Variants in GNPTAB observed in about 807,000 individuals in gnomAD.
The protein encoded by GNPTAB is N-acetylglucosamine-1-phosphotransferase subunits alpha/beta.
A neutral mutation model predicts 136.6 loss-of-function variants in GNPTAB; 92 were observed. The observed-to-expected ratio is 0.67, with a 90% CI of 0.57 to 0.80. The LOEUF (loss-of-function observed/expected upper bound fraction) is 0.80, where lower values mean the gene tolerates loss of function less well. Ranked by LOEUF, GNPTAB falls within the 30% of genes least tolerant of loss-of-function variation. The pLI, the probability that GNPTAB is intolerant of heterozygous loss-of-function variation, is 0.00. For missense variants in GNPTAB, 1,343 were observed against 1,501.8 expected, an observed-to-expected ratio of 0.89 and a Z score of 1.75; for synonymous variants, 512 against 535.1, an observed-to-expected ratio of 0.96 and a Z score of 0.60.
At position 101,746,711 on chromosome 12, in the gene GNPTAB, A is replaced by G. The variant is rs1952740092; in HGVS notation, c.*453T>C. Reference sequence around the variant, plus strand: ...GTTATACTCAGAAGCAAGAATAACTAGTTAACTTAGTAACTACTTAAAAAT... The same window carrying G: ...GTTATACTCAGAAGCAAGAATAACTGGTTAACTTAGTAACTACTTAAAAAT... On this transcript the variant is annotated 3_prime_UTR_variant, in exon 21 of 21. Transcript: ENST00000299314. The G allele has an allele frequency of 6.1e-6, 1 of 163,490 alleles. No homozygotes were observed. Among genetic ancestry groups the G allele is most frequent in the Non-Finnish European group, 1.3e-5 (1 of 74,686 alleles). 10.1% of individuals were successfully genotyped at this position (163,490 alleles called of 1,614,324 possible). A position where few individuals can be genotyped will look rare whatever the true frequency, so the allele number is the denominator to read the frequency against.
At chr12:101,788,634 A>G (rs1868809126) in intron 3 of GNPTAB, 45 bp from the exon 4 acceptor site, 1 of 968,700 alleles carries the variant, frequency 1.0e-6, no homozygotes, top group Non-Finnish European at 1.7e-6. Flanking sequence ...ATGGGCTACT[A>G]TACCTCCCAC....
chr12:101,823,061 T>C (rs1048348825), intron 1 of GNPTAB, among the ~76,000 whole-genome samples: 4 of 152,228 alleles, frequency 2.6e-5, no homozygotes, highest in African/African-American at 9.6e-5. Context: ...AATGGCTCTA[T>C]AAGCATAACT....
chr12:101,758,937 G>A (rs1285236250), intron 16 of GNPTAB, among the ~76,000 whole-genome samples: 1 of 152,164 alleles, frequency 6.6e-6, no homozygotes, highest in Admixed American at 6.5e-5. Context: ...AAAACTACCT[G>A]TGATTTAACC....
intron 16 of GNPTAB, among the ~76,000 whole-genome samples, chr12:101,758,083 G>C (rs1952929362): frequency 6.7e-6 from 1 of 149,244 alleles, no homozygotes; most frequent in African/African-American, 2.5e-5. Flanking sequence ...CTATCGCCCA[G>C]GCTGGAGTGC....
At chr12:101,784,822 T>C (rs1200236087) in intron 5 of GNPTAB, among the ~76,000 whole-genome samples, 5 of 152,138 alleles carry the variant, frequency 3.3e-5, no homozygotes, top group Non-Finnish European at 5.9e-5. Flanking sequence ...GACTTGGTGT[T>C]GGAAAGGGAA....
At chr12:101,793,716 C>A (rs964471554) in intron 2 of GNPTAB, among the ~76,000 whole-genome samples, 2 of 152,226 alleles carry the variant, frequency 1.3e-5, no homozygotes, top group African/African-American at 4.8e-5. Flanking sequence ...ACATAACTTT[C>A]ATTTTAATCA....
chr12:101,784,170 G>A (rs1349214509), intron 5 of GNPTAB, among the ~76,000 whole-genome samples: 1 of 152,216 alleles, frequency 6.6e-6, no homozygotes, highest in African/African-American at 2.4e-5. Context: ...AAAGTCATGA[G>A]TTAGATTATA....
chr12:101,773,037 C>G (rs1953203257), intron 7 of GNPTAB: 1 of 168,236 alleles, frequency 5.9e-6, no homozygotes, highest in East Asian at 1.8e-4. Context: ...CCAGGCTGGT[C>G]TCCTGACATA....
intron 20 of GNPTAB, among the ~76,000 whole-genome samples, chr12:101,748,789 T>C (rs1047829281): frequency 1.1e-4 from 17 of 152,184 alleles, no homozygotes; most frequent in African/African-American, 3.9e-4. Flanking sequence ...TAACATTAGA[T>C]AAGGATTCTA....
chr12:101,759,038 T>A (rs142600628), intron 16 of GNPTAB, among the ~76,000 whole-genome samples: 1 of 152,180 alleles, frequency 6.6e-6, no homozygotes, highest in East Asian at 1.9e-4. Context: ...TATATGGTAG[T>A]ACCCATTATT....
chr12:101,771,344 A>C (rs1333747337), intron 7 of GNPTAB, among the ~76,000 whole-genome samples, 187 bp from the exon 8 acceptor site: 1 of 151,922 alleles, frequency 6.6e-6, no homozygotes, highest in African/African-American at 2.4e-5. Flanking sequence ...CCCGGGTTCA[A>C]GCGATTCTCC....
chr12:101,790,022 G>C lies in GNPTAB; in HGVS notation c.239C>G (p.Thr80Ser). The C allele has an allele frequency of 6.2e-7, 1 of 1,614,092 alleles. No homozygotes were observed. Among genetic ancestry groups the C allele is most frequent in the African/African-American group, 1.3e-5 (1 of 75,034 alleles). The change falls in exon 3 of 21, where the codon ACC becomes AGC. Residue 80 changes from threonine to serine, a missense_variant. Physicochemically the swap from Thr to Ser is moderately conservative, Grantham distance 58. Coordinates refer to ENST00000299314, the MANE Select transcript of GNPTAB (RefSeq NM_024312.5). ...TTCAAGATCTGTGCCATTCACCCAG[G>C]TGTAAACAACGTCAATCGGCATGGG... ...CLPMPIDVVY[T>S]WVNGTDLELL...
intron 7 of GNPTAB, among the ~76,000 whole-genome samples, chr12:101,778,043 A>G (rs1013674621): frequency 6.6e-6 from 1 of 152,212 alleles, no homozygotes; most frequent in Non-Finnish European, 1.5e-5. Context: ...CCACACCTGG[A>G]GCCTGCTGGT....
At position 101,764,925 on chromosome 12, in the gene GNPTAB, G is replaced by A. The variant is rs778140756; in HGVS notation, c.1992C>T (p.Ile664=). The change falls in exon 13 of 21, where the codon ATC becomes ATT. Residue 664 remains isoleucine, a synonymous_variant. Transcript: ENST00000299314. ...SPITLLPEAE[I]LFEDIPKEKR... ...TTTCTTTGGGAATATCCTCAAAAAG[G>A]ATTTCCGCCTCTGGAAGAAGTGTTA... is the stretch of plus-strand genomic sequence containing the variant. 1 of 1,613,892 alleles carries A rather than the reference G, an allele frequency of 6.2e-7. No homozygotes were observed. The highest frequency in any genetic ancestry group is 2.2e-5 in the East Asian group (1 of 44,886).
intron 7 of GNPTAB, chr12:101,778,687 A>G (rs1953293684): frequency 6.6e-6 from 1 of 152,230 alleles, no homozygotes; most frequent in South Asian, 2.1e-4. Context: ...TGAGGGGATC[A>G]CCTGAGGTCA....
rs1452587000 is a variant in GNPTAB at position 101,786,093 on chromosome 12, C to A, written c.490G>T (p.Ala164Ser). 2 of 1,613,868 alleles carry A rather than the reference C, an allele frequency of 1.2e-6. No homozygotes were observed. Among genetic ancestry groups the A allele is most frequent in the Admixed American group, 3.3e-5 (2 of 59,990 alleles). Residue 164 changes from alanine to serine, a missense_variant, in exon 5 of 21, where the codon GCC (alanine) becomes TCC (serine). Coordinates refer to ENST00000299314, the MANE Select transcript of GNPTAB (RefSeq NM_024312.5). ...TTTGCAACATTGAAAATGTCACTGG[C>A]AGAATGAAAAGAAGGATAAAGAGAT... ...LPSLYPSFHS[A>S]SDIFNVAKPK...
chr12:101,790,045 G>A lies in GNPTAB; in HGVS notation c.216C>T (p.Pro72=), dbSNP rs1465667194. 1.2e-5 allele frequency: 19 copies of A among 1,613,958 alleles called. No individual in the cohort carries two copies. The highest frequency in any genetic ancestry group is 1.7e-6 in the Non-Finnish European group (2 of 1,179,974). ...GKSFQNRLCL[P]MPIDVVYTWV... ...AGGTGTAAACAACGTCAATCGGCATGGGCAGACAAAGCCTAGGGCAAACCA... is the reference window on the plus strand; with the variant it reads ...AGGTGTAAACAACGTCAATCGGCATAGGCAGACAAAGCCTAGGGCAAACCA... The change falls in exon 3 of 21, where the codon CCC becomes CCT. Residue 72 remains proline, a synonymous_variant. Coordinates refer to ENST00000299314, the MANE Select transcript of GNPTAB (RefSeq NM_024312.5).
At chr12:101,759,527 A>G (rs548651364) in intron 16 of GNPTAB, among the ~76,000 whole-genome samples, 2 of 152,196 alleles carry the variant, frequency 1.3e-5, no homozygotes, top group East Asian at 3.9e-4. Context: ...TTTTCTTCAC[A>G]TTATAACCTC....
At chr12:101,756,448 G>C in intron 18 of GNPTAB, 1 of 398,920 alleles carries the variant, frequency 2.5e-6, no homozygotes, top group Non-Finnish European at 4.9e-6. Flanking sequence ...AGCAGCTCAT[G>C]TCTGTGGTTC....
Sources: gnomAD v4.1 joint callset for allele counts (sites outside exome capture counted in the v4.1 genomes callset) on GRCh38, gnomAD v4.1.1 for gene constraint, MANE v1.5 for transcripts, NCBI Gene and HGNC (gene_info 2026-07-23, HGNC 2026-07-21) for gene names.